Variants in UBQLN1 observed in about 807,000 individuals in gnomAD.
The protein encoded by UBQLN1 is ubiquilin-1.
UBQLN1 carries 13 observed loss-of-function variants against 65.4 expected under a neutral mutation model. The ratio of observed to expected loss-of-function variants is 0.20; its 90% CI spans 0.13 to 0.32. UBQLN1 has a LOEUF of 0.32. Among genes scored for constraint, UBQLN1 ranks in the 10% least tolerant of loss-of-function variants. The pLI, the probability that UBQLN1 is intolerant of heterozygous loss-of-function variation, is 1.00. For synonymous variants in UBQLN1, 267 were observed against 247.8 expected (o/e 1.08, Z -0.73); for missense variants, 561 against 724.0 (o/e 0.77, Z 2.58).
intron 1 of UBQLN1, among the ~76,000 whole-genome samples, chr9:83,697,167 G>T (rs1387694931): frequency 6.6e-6 from 1 of 151,894 alleles, no homozygotes; most frequent in African/African-American, 2.4e-5. Flanking sequence ...AGTTTGTACT[G>T]GGTTTGAATC....
chr9:83,696,716 A>G (rs932641068), intron 1 of UBQLN1, among the ~76,000 whole-genome samples: 20 of 152,168 alleles, frequency 1.3e-4, no homozygotes, highest in African/African-American at 4.6e-4. Context: ...TGGTCATTCA[A>G]TAAATACTTG....
intron 1 of UBQLN1, among the ~76,000 whole-genome samples, chr9:83,706,271 C>G (rs561114185): frequency 6.6e-6 from 1 of 152,080 alleles, no homozygotes; most frequent in East Asian, 1.9e-4. Flanking sequence ...ATTATAATAC[C>G]GTAAAATGCT....
rs147527655 is a variant in UBQLN1, at chr9:83,673,257, G to A, written c.1106-3930C>T. On this transcript the variant is annotated intron_variant, in intron 6 of 10. Coordinates refer to ENST00000376395, the MANE Select transcript of UBQLN1 (RefSeq NM_013438.5). ...AAACCAAAAAACCAAAACAATTTTT[G>A]GTCGGGTGCAGTGACTTACACCTGT... Among the ~76,000 whole-genome samples the A allele has an allele frequency of 8.6e-5, 13 of 151,182 alleles. 1 individual carries two copies. The East Asian group carries it at 2.6e-3, about 30-fold the overall frequency.
chr9:83,686,267 C>G (rs1832038692), intron 1 of UBQLN1, 112 bp from the exon 2 acceptor site: 3 of 682,252 alleles, frequency 4.4e-6, no homozygotes, highest in Admixed American at 3.9e-5. Context: ...AATTCAAACA[C>G]CATAATCCCA....
chr9:83,697,900 CA>C, intron 1 of UBQLN1, among the ~76,000 whole-genome samples: 1 of 152,128 alleles, frequency 6.6e-6, no homozygotes, highest in African/African-American at 2.4e-5. Context: ...CCACACCTGG[CA>C]AATCTTGTAT....
At chr9:83,695,652 T>A (rs1446384473) in intron 1 of UBQLN1, among the ~76,000 whole-genome samples, 2 of 152,140 alleles carry the variant, frequency 1.3e-5, no homozygotes, top group Non-Finnish European at 1.5e-5. Flanking sequence ...GTTTTAGACA[T>A]CTATATGGCA....
chr9:83,701,125 G>A (rs886121204), intron 1 of UBQLN1, among the ~76,000 whole-genome samples: 2 of 152,070 alleles, frequency 1.3e-5, no homozygotes, highest in African/African-American at 4.8e-5. Context: ...GAACTCCAAA[G>A]AGTTTTGCTT....
At chr9:83,663,775 A>G (rs998285397) in intron 10 of UBQLN1, 100 bp downstream of exon 10, 23 of 1,288,036 alleles carry the variant, frequency 1.8e-5, no homozygotes, top group Non-Finnish European at 2.4e-5. Context: ...AACACCTAAG[A>G]ACTACTGCTT....
intron 1 of UBQLN1, among the ~76,000 whole-genome samples, chr9:83,692,523 T>C (rs1006426867): frequency 6.6e-6 from 1 of 152,190 alleles, no homozygotes; most frequent in Admixed American, 6.5e-5. Flanking sequence ...ACTGACACTA[T>C]TCCTCTGCAG....
At chr9:83,693,540 T>C (rs752240365) in intron 1 of UBQLN1, among the ~76,000 whole-genome samples, 18 of 152,204 alleles carry the variant, frequency 1.2e-4, no homozygotes, top group Admixed American at 2.0e-4. Context: ...TTTCTATTTT[T>C]AATCTGAGGA....
At chr9:83,704,729 G>A (rs1442884717) in intron 1 of UBQLN1, among the ~76,000 whole-genome samples, 1 of 151,356 alleles carries the variant, frequency 6.6e-6, no homozygotes, top group Admixed American at 6.6e-5. Flanking sequence ...AGGGAAGCTG[G>A]GGTGGGAGAA....
At chr9:83,694,787 G>A (rs752106164) in intron 1 of UBQLN1, among the ~76,000 whole-genome samples, 5 of 152,088 alleles carry the variant, frequency 3.3e-5, no homozygotes, top group Admixed American at 1.3e-4. Flanking sequence ...CTCTGAGTCA[G>A]GTACTTTATG....
intron 10 of UBQLN1, among the ~76,000 whole-genome samples, chr9:83,662,708 T>C (rs1439929687): frequency 1.4e-4 from 22 of 152,370 alleles, no homozygotes; most frequent in Non-Finnish European, 1.2e-4. Context: ...AGCCAGAAAC[T>C]ATGCTACGCT....
chr9:83,672,793 C>A (rs956933433), intron 6 of UBQLN1, among the ~76,000 whole-genome samples: 2 of 152,154 alleles, frequency 1.3e-5, no homozygotes, highest in African/African-American at 4.8e-5. Flanking sequence ...TCACTGCAAA[C>A]CTTCAAACTG....
In UBQLN1 at chr9:83,660,383, C is replaced by T. The variant is rs1831544021; in HGVS notation, c.*1404G>A. The T allele has an allele frequency of 6.6e-6, 1 of 152,540 alleles. No homozygotes were observed. Among genetic ancestry groups the T allele is most frequent in the African/African-American group, 2.4e-5 (1 of 41,400 alleles). 9.4% of individuals were successfully genotyped at this position (152,540 alleles called of 1,614,324 possible). The stretch of plus-strand genomic sequence containing the variant: ...ATAATCACCTAAGAGAATACTGAAC[C>T]AGAGTCAGCCAAATGTATCACTGAC... On this transcript the variant is annotated 3_prime_UTR_variant, in exon 11 of 11. Transcript: ENST00000376395.
intron 1 of UBQLN1, among the ~76,000 whole-genome samples, chr9:83,696,427 T>C (rs931472703): frequency 6.6e-6 from 1 of 151,942 alleles, no homozygotes; most frequent in Admixed American, 6.6e-5. Flanking sequence ...CTGGGCAACA[T>C]GGCAAAATCC....
rs1452760255 is a variant in UBQLN1, at chr9:83,673,571, A to C, written c.1105+4156T>G. 3.4e-4 allele frequency among the ~76,000 whole-genome samples: 32 copies of C among 93,718 alleles called. 1 individual carries two copies. The highest frequency in any genetic ancestry group is 5.9e-3 in the Middle Eastern group (1 of 170). The allele number at this position is 93,718 out of a possible 152,430, so 61.5% of individuals were successfully genotyped here. ...TAAAAAAAAAAAAAAAAAAAAACAAAAAAAAAAAACTGCGCTTACGTTTTT... is the reference window on the plus strand; with the variant it reads ...TAAAAAAAAAAAAAAAAAAAAACAACAAAAAAAAACTGCGCTTACGTTTTT... On this transcript the variant is annotated intron_variant, in intron 6 of 10. Coordinates refer to ENST00000376395, the MANE Select transcript of UBQLN1 (RefSeq NM_013438.5).
chr9:83,685,940 GT>G, intron 2 of UBQLN1, 63 bp downstream of exon 2: 1 of 1,400,586 alleles, frequency 7.1e-7, no homozygotes, highest in Non-Finnish European at 9.7e-7. Flanking sequence ...GCCAACACTA[GT>G]TACTTTTAGA....
chr9:83,694,301 A>G (rs1156312198), intron 1 of UBQLN1, among the ~76,000 whole-genome samples: 1 of 152,194 alleles, frequency 6.6e-6, no homozygotes, highest in Admixed American at 6.5e-5. Context: ...AATCTTTGCT[A>G]TTTCAGTATT....
Sources: allele counts gnomAD v4.1 joint callset (sites outside exome capture counted in the v4.1 genomes callset), GRCh38; gene constraint gnomAD v4.1.1; transcripts MANE v1.5; gene names NCBI Gene and HGNC (gene_info 2026-07-23, HGNC 2026-07-21).